Variants in GUCY2F observed in about 807,000 individuals in gnomAD.
GUCY2F encodes retinal guanylyl cyclase 2.
In GUCY2F, 61 loss-of-function variants were observed where a neutral mutation model predicts 73.1. That is an observed-to-expected ratio of 0.83 (90% confidence interval 0.68 to 1.03). GUCY2F has a LOEUF of 1.03. Among genes scored for constraint, GUCY2F ranks in the 50% least tolerant of loss-of-function variants. The pLI is 0.00. For synonymous variants in GUCY2F, 331 were observed against 307.8 expected (o/e 1.08, Z -0.79); for missense variants, 912 against 854.3 (o/e 1.07, Z -0.84).
At chrX:109,414,756 G>A (rs1931201807) in intron 8 of GUCY2F, among the ~76,000 whole-genome samples, 1 of 111,941 alleles carries the variant, frequency 8.9e-6, no homozygotes, top group Admixed American at 9.5e-5. Context: ...GGAGTTAAAA[G>A]ATGAGTGGAT....
chrX:109,475,177 G>T (rs1160149109), intron 2 of GUCY2F, 30 bp downstream of exon 2: 1 of 1,178,034 alleles, frequency 8.5e-7, no homozygotes, highest in Non-Finnish European at 1.1e-6. Context: ...CTGAAGTCAC[G>T]TTTAAATTTC....
intron 4 of GUCY2F, among the ~76,000 whole-genome samples, chrX:109,452,672 T>C (rs1360010400): frequency 8.9e-6 from 1 of 111,900 alleles, no homozygotes; most frequent in Non-Finnish European, 1.9e-5. Flanking sequence ...TAGGGAAATA[T>C]GATGTGAGTG....
intron 2 of GUCY2F, among the ~76,000 whole-genome samples, chrX:109,468,820 A>G (rs923413759): frequency 1.8e-5 from 2 of 112,308 alleles, no homozygotes; most frequent in Non-Finnish European, 3.8e-5. Flanking sequence ...AAGCATAAAT[A>G]CTGAATTCAA....
intron 19 of GUCY2F, among the ~76,000 whole-genome samples, chrX:109,374,961 A>C (rs187814913): frequency 2.6e-4 from 29 of 112,125 alleles, no homozygotes; most frequent in African/African-American, 9.1e-4. Flanking sequence ...ATCAGAGGCC[A>C]GTGGGAGAAT....
chrX:109,456,491 A>T (rs1357009926), intron 3 of GUCY2F, among the ~76,000 whole-genome samples: 1 of 111,064 alleles, frequency 9.0e-6, no homozygotes, highest in Non-Finnish European at 1.9e-5. Flanking sequence ...CAAAAACAAC[A>T]TTCCCACCTC....
chrX:109,418,585 A>C (rs1931297382), intron 8 of GUCY2F, among the ~76,000 whole-genome samples: 1 of 111,994 alleles, frequency 8.9e-6, no homozygotes, highest in Non-Finnish European at 1.9e-5. Context: ...TGAAATCATA[A>C]TTACTTCAAG....
At chrX:109,387,771 T>C (rs1401533665) in intron 15 of GUCY2F, among the ~76,000 whole-genome samples, 1 of 111,535 alleles carries the variant, frequency 9.0e-6, no homozygotes, top group Non-Finnish European at 1.9e-5. Context: ...TTGCAGAAAA[T>C]GTTAGAGAAC....
At chrX:109,436,448 G>A (rs1931747468) in intron 7 of GUCY2F, among the ~76,000 whole-genome samples, 1 of 111,213 alleles carries the variant, frequency 9.0e-6, no homozygotes, top group African/African-American at 3.3e-5. Context: ...TATACCCAAA[G>A]GATTATAAAT....
intron 6 of GUCY2F, among the ~76,000 whole-genome samples, chrX:109,444,493 A>T (rs1931952015): frequency 8.9e-6 from 1 of 111,926 alleles, no homozygotes; most frequent in Admixed American, 9.5e-5. Flanking sequence ...CTTTTCCTAC[A>T]TCCACTACCA....
In GUCY2F at chrX:109,383,412, G is replaced by A. The variant is rs191632043; in HGVS notation, c.3056-1200C>T. The A allele has an allele frequency of 1.2e-5, 9 of 731,010 alleles. No homozygotes were observed. The African/African-American group carries it at 1.4e-4, about 11-fold the overall frequency. The allele number at this position is 731,010 out of a possible 1,213,427, so 60.2% of individuals were successfully genotyped here. A position where few individuals can be genotyped will look rare whatever the true frequency, so the allele number is the denominator to read the frequency against. On this transcript the variant is annotated intron_variant, in intron 16 of 19. Coordinates refer to ENST00000218006, the MANE Select transcript of GUCY2F (RefSeq NM_001522.3). The stretch of plus-strand genomic sequence containing the variant: ...GAGAATCACTCCAGGACTGGGTCAC[G>A]AGTCACTTCCATTCCAGAATCTCAG...
chrX:109,481,079 GAA>G (rs1391205651), intron 1 of GUCY2F, among the ~76,000 whole-genome samples: 3 of 60,930 alleles, frequency 4.9e-5, no homozygotes, highest in Non-Finnish European at 9.3e-5. Context: ...AGGAAGGAAG[GAA>G]GGAAGGAAGG....
At chrX:109,384,063 T>C (rs959888642) in intron 16 of GUCY2F, among the ~76,000 whole-genome samples, 6 of 112,730 alleles carry the variant, frequency 5.3e-5, no homozygotes, top group African/African-American at 1.9e-4. Context: ...TCAGAAAATT[T>C]ATTCTGACAA....
chrX:109,380,434 CAGAA>C (rs1930275163), intron 17 of GUCY2F, among the ~76,000 whole-genome samples: 1 of 111,206 alleles, frequency 9.0e-6, no homozygotes, highest in Non-Finnish European at 1.9e-5. Flanking sequence ...GGTACAGACA[CAGAA>C]AGGATCTCTC....
At chrX:109,425,206 C>A (rs1458954070) in intron 8 of GUCY2F, among the ~76,000 whole-genome samples, 1 of 111,027 alleles carries the variant, frequency 9.0e-6, no homozygotes. Flanking sequence ...GGATATCTAC[C>A]CAGAGGAAAA....
At chrX:109,423,272 T>C (rs1159334552) in intron 8 of GUCY2F, among the ~76,000 whole-genome samples, 4 of 112,182 alleles carry the variant, frequency 3.6e-5, no homozygotes, top group African/African-American at 9.7e-5. Context: ...ATTCTTTGCT[T>C]CCAGTCTGTA....
At chrX:109,393,132 C>A (rs1156404786) in intron 12 of GUCY2F, 77 bp from the exon 13 acceptor site, 1 of 560,909 alleles carries the variant, frequency 1.8e-6, no homozygotes, top group South Asian at 2.8e-5. Flanking sequence ...GTCCCCTTAT[C>A]ACAAATCCAT....
chrX:109,395,575 AG>A, intron 11 of GUCY2F, 86 bp from the exon 12 acceptor site: 1 of 788,031 alleles, frequency 1.3e-6, no homozygotes. Flanking sequence ...TTAGCCAAGA[AG>A]GGGGTAGGTT....
chrX:109,395,526 T>A (rs766141905), intron 11 of GUCY2F, 37 bp from the exon 12 acceptor site: 2 of 1,142,540 alleles, frequency 1.8e-6, no homozygotes, highest in Admixed American at 2.4e-5. Flanking sequence ...TTACAAATCA[T>A]GGAAAAAATG....
intron 8 of GUCY2F, among the ~76,000 whole-genome samples, chrX:109,427,398 T>C (rs191385704): frequency 8.9e-6 from 1 of 112,261 alleles, no homozygotes; most frequent in Non-Finnish European, 1.9e-5. Context: ...GACTAAGAGA[T>C]ACAGCCTAAT....
Sources: gnomAD v4.1 joint callset for allele counts (sites outside exome capture counted in the v4.1 genomes callset) on GRCh38, gnomAD v4.1.1 for gene constraint, MANE v1.5 for transcripts, NCBI Gene and HGNC (gene_info 2026-07-23, HGNC 2026-07-21) for gene names.